The following FAF1 variants were observed in gnomAD, a reference collection of about 807,000 sequenced individuals.
FAF1 encodes FAS-associated factor 1.
A neutral mutation model predicts 92.5 loss-of-function variants in FAF1; 25 were observed. The ratio of observed to expected loss-of-function variants is 0.27; its 90% CI spans 0.20 to 0.38. The LOEUF (loss-of-function observed/expected upper bound fraction) is 0.38. Among genes scored for constraint, FAF1 ranks in the 10% least tolerant of loss-of-function variants. The probability of loss-of-function intolerance (pLI) is 1.00; values close to 1 mark genes in which losing one functional copy is unlikely to be tolerated. For missense variants in FAF1, 636 were observed against 793.3 expected (o/e 0.80, Z 2.38); for synonymous variants, 234 against 273.2 (o/e 0.86, Z 1.42).
intron 2 of FAF1, among the ~76,000 whole-genome samples, chr1:50,805,232 G>A (rs924939326): frequency 6.6e-6 from 1 of 152,132 alleles, no homozygotes; most frequent in Non-Finnish European, 1.5e-5. Context: ...ATCTTGCCTT[G>A]ACCTAGTTTA....
intron 8 of FAF1, among the ~76,000 whole-genome samples, chr1:50,631,177 T>C (rs997115287): frequency 7.9e-5 from 12 of 152,304 alleles, no homozygotes; most frequent in Admixed American, 2.6e-4. Context: ...TCCTGTTCCA[T>C]TGTTATGAAA....
rs58193277 is a variant in FAF1, at chr1:50,662,683, C to CTT, written c.658-7157_658-7156dup. 9.9e-4 allele frequency among the ~76,000 whole-genome samples: 77 copies of CTT among 77,604 alleles called. 3 individuals carry two copies. The highest frequency in any genetic ancestry group is 2.0e-3 in the African/African-American group (42 of 21,432). The allele number at this position is 77,604 out of a possible 152,430, so 50.9% of individuals were successfully genotyped here. A position where few individuals can be genotyped will look rare whatever the true frequency, so the allele number is the denominator to read the frequency against. On this transcript the variant is annotated intron_variant, in intron 7 of 18. Coordinates refer to ENST00000396153, the MANE Select transcript of FAF1 (RefSeq NM_007051.3). The stretch of plus-strand genomic sequence containing the variant: ...CACATTTATTAAAATGAATTTGTAT[C>CTT]TTTTTTTTTTTTTTTTTTTTTTTTT...
intron 18 of FAF1, among the ~76,000 whole-genome samples, chr1:50,447,120 G>GTTTTTT (rs1646236610): frequency 4.5e-5 from 6 of 133,726 alleles, no homozygotes; most frequent in Non-Finnish European, 8.0e-5. Flanking sequence ...ACATATTCCT[G>GTTTTTT]CTTTTTTTTT....
At chr1:50,722,832 A>T (rs1385380314) in intron 6 of FAF1, among the ~76,000 whole-genome samples, 1 of 152,156 alleles carries the variant, frequency 6.6e-6, no homozygotes, top group East Asian at 1.9e-4. Context: ...CATCCTGATC[A>T]TTCTGAGTGA....
intron 6 of FAF1, among the ~76,000 whole-genome samples, chr1:50,711,924 A>T (rs1231565157): frequency 6.6e-6 from 1 of 152,206 alleles, no homozygotes; most frequent in Non-Finnish European, 1.5e-5. Flanking sequence ...ACTAACACTT[A>T]ACAAGCGCTA....
intron 8 of FAF1, among the ~76,000 whole-genome samples, chr1:50,604,992 CA>C (rs770689017): frequency 6.6e-6 from 1 of 152,178 alleles, no homozygotes; most frequent in Non-Finnish European, 1.5e-5. Flanking sequence ...GTGGGACTCT[CA>C]AAATCAAGGA....
chr1:50,876,193 T>G (rs1341478298), intron 1 of FAF1, among the ~76,000 whole-genome samples: 1 of 152,004 alleles, frequency 6.6e-6, no homozygotes, highest in African/African-American at 2.4e-5. Flanking sequence ...TGAAATGGAG[T>G]ACGTCAGGCA....
intron 12 of FAF1, among the ~76,000 whole-genome samples, chr1:50,576,895 G>A (rs1193018594): frequency 6.8e-6 from 1 of 146,394 alleles, no homozygotes; most frequent in Non-Finnish European, 1.5e-5. Context: ...TAGAACTCTT[G>A]GGATCAAACG....
chr1:50,568,730 G>C (rs953335159), intron 12 of FAF1, among the ~76,000 whole-genome samples: 1 of 152,158 alleles, frequency 6.6e-6, no homozygotes, highest in South Asian at 2.1e-4. Context: ...CTCTCAGATT[G>C]TCTAACTCCA....
chr1:50,720,015 T>C (rs78366038), intron 6 of FAF1, among the ~76,000 whole-genome samples: 39 of 149,746 alleles, frequency 2.6e-4, no homozygotes, highest in South Asian at 4.5e-4. Context: ...TTTTTTTTTT[T>C]CTTTGAGAAG....
chr1:50,836,066 T>A (rs992912152), intron 2 of FAF1, among the ~76,000 whole-genome samples: 2 of 152,088 alleles, frequency 1.3e-5, no homozygotes, highest in Non-Finnish European at 2.9e-5. Context: ...AAATACCACC[T>A]ATCTCATCTA....
intron 15 of FAF1, among the ~76,000 whole-genome samples, chr1:50,501,915 C>T (rs2149016478): frequency 6.6e-6 from 1 of 152,260 alleles, no homozygotes; most frequent in Admixed American, 6.5e-5. Context: ...CACAAATGTT[C>T]ATAGCAGCTT....
intron 15 of FAF1, among the ~76,000 whole-genome samples, chr1:50,534,607 C>A (rs559593298): frequency 1.3e-5 from 2 of 152,186 alleles, no homozygotes; most frequent in Admixed American, 1.3e-4. Context: ...CTGCCCACAT[C>A]TTTAAAAATG....
chr1:50,596,260 T>C (rs373040763), intron 8 of FAF1, 44 bp from the exon 9 acceptor site: 17 of 1,373,160 alleles, frequency 1.2e-5, no homozygotes, highest in East Asian at 2.3e-5. Flanking sequence ...AATACGGCCA[T>C]GTTTCACAAA....
At chr1:50,733,571 T>C (rs1659018239) in intron 6 of FAF1, among the ~76,000 whole-genome samples, 1 of 152,146 alleles carries the variant, frequency 6.6e-6, no homozygotes, top group Admixed American at 6.5e-5. Flanking sequence ...CTGATGGGAT[T>C]GATGTCCTTA....
chr1:50,649,788 A>C (rs77682744), intron 8 of FAF1, among the ~76,000 whole-genome samples: 3 of 150,208 alleles, frequency 2.0e-5, no homozygotes, highest in Admixed American at 6.6e-5. Context: ...AAAACTACAA[A>C]AAAAAAAAAA....
intron 15 of FAF1, among the ~76,000 whole-genome samples, chr1:50,497,261 C>T (rs1315179307): frequency 6.6e-6 from 1 of 151,986 alleles, no homozygotes; most frequent in Non-Finnish European, 1.5e-5. Context: ...CTCTAAAGTA[C>T]TGAAAGAAAT....
At chr1:50,734,004 C>A (rs1415262307) in intron 6 of FAF1, among the ~76,000 whole-genome samples, 2 of 152,188 alleles carry the variant, frequency 1.3e-5, no homozygotes, top group African/African-American at 2.4e-5. Context: ...ACCATATTGG[C>A]CAGCCTGGTC....
intron 7 of FAF1, among the ~76,000 whole-genome samples, chr1:50,657,114 A>G (rs1655149009): frequency 6.6e-6 from 1 of 151,800 alleles, no homozygotes; most frequent in South Asian, 2.1e-4. Context: ...CAGGAAGCTG[A>G]GGTGGGAGGA....
Sources: allele counts gnomAD v4.1 joint callset (sites outside exome capture counted in the v4.1 genomes callset), GRCh38; gene constraint gnomAD v4.1.1; transcripts MANE v1.5; gene names NCBI Gene and HGNC (gene_info 2026-07-23, HGNC 2026-07-21).